Variants in MYO1D observed in about 807,000 individuals in gnomAD.
The protein encoded by MYO1D is unconventional myosin-Id.
A neutral mutation model predicts 122.0 loss-of-function variants in MYO1D; 83 were observed. The ratio of observed to expected loss-of-function variants is 0.68; its 90% CI spans 0.57 to 0.82. The LOEUF (loss-of-function observed/expected upper bound fraction) is 0.82. MYO1D is among the 40% of genes least tolerant of loss of function. The probability of loss-of-function intolerance (pLI) is 0.00; values close to 1 mark genes in which losing one functional copy is unlikely to be tolerated. For synonymous variants in MYO1D, 464 were observed against 446.9 expected (o/e 1.04, Z -0.48); for missense variants, 1,157 against 1,269.5 (o/e 0.91, Z 1.35).
intron 1 of MYO1D, among the ~76,000 whole-genome samples, chr17:32,827,853 A>G (rs1354629018): frequency 1.3e-5 from 2 of 152,232 alleles, no homozygotes; most frequent in African/African-American, 4.8e-5. Context: ...AAGCAGAAAA[A>G]TATTTTCAGA....
intron 1 of MYO1D, among the ~76,000 whole-genome samples, chr17:32,828,134 G>A (rs1465606486): frequency 6.6e-6 from 1 of 152,178 alleles, no homozygotes; most frequent in African/African-American, 2.4e-5. Flanking sequence ...ACTAATGGCA[G>A]GCATTATTTT....
chr17:32,636,716 C>A (rs762290476), intron 20 of MYO1D, among the ~76,000 whole-genome samples: 1 of 152,234 alleles, frequency 6.6e-6, no homozygotes, highest in Non-Finnish European at 1.5e-5. Context: ...TGTGAGACAG[C>A]CTGGAACTGT....
chr17:32,690,396 A>G (rs1038244335), intron 16 of MYO1D, among the ~76,000 whole-genome samples: 1 of 152,142 alleles, frequency 6.6e-6, no homozygotes, highest in African/African-American at 2.4e-5. Context: ...GCTGGTCGCG[A>G]ACTCCTGAGC....
intron 14 of MYO1D, among the ~76,000 whole-genome samples, chr17:32,732,904 T>C (rs576159947): frequency 6.6e-6 from 1 of 152,326 alleles, no homozygotes; most frequent in African/African-American, 2.4e-5. Context: ...GTTCCTGGTA[T>C]TTCCAAGCTT....
intron 21 of MYO1D, among the ~76,000 whole-genome samples, chr17:32,513,897 A>G (rs1909789771): frequency 6.7e-6 from 1 of 150,366 alleles, no homozygotes; most frequent in African/African-American, 2.5e-5. Flanking sequence ...GGGTGTGAGC[A>G]TGGCTCACTG....
At chr17:32,865,262 T>C (rs779109098) in intron 1 of MYO1D, among the ~76,000 whole-genome samples, 16 of 152,230 alleles carry the variant, frequency 1.1e-4, no homozygotes, top group Non-Finnish European at 1.9e-4. Context: ...ATAGAACCAT[T>C]TGGGATAACC....
chr17:32,640,933 T>C (rs2088190364), intron 19 of MYO1D, among the ~76,000 whole-genome samples: 1 of 151,814 alleles, frequency 6.6e-6, no homozygotes, highest in Admixed American at 6.6e-5. Flanking sequence ...TTATTTTTTA[T>C]ATATAGATTT....
chr17:32,586,543 G>T lies in MYO1D; in HGVS notation c.2864+18544C>A, dbSNP rs534291788. ...TATCCTTCCTGGGTTTTTCTTATTT[G>T]CAAATTTGTAAGTATGTCTTCATTC... On this transcript the variant is annotated intron_variant, in intron 21 of 21. Coordinates refer to ENST00000318217, the MANE Select transcript of MYO1D (RefSeq NM_015194.3). Among the ~76,000 whole-genome samples, 6 of 152,168 alleles carry T rather than the reference G, an allele frequency of 3.9e-5. No homozygotes were observed. The South Asian group carries it at 1.2e-3, about 32-fold the overall frequency.
chr17:32,766,535 C>T (rs1254621040), intron 7 of MYO1D, among the ~76,000 whole-genome samples: 2 of 152,146 alleles, frequency 1.3e-5, no homozygotes, highest in Admixed American at 6.5e-5. Context: ...GTGGCTCACG[C>T]CTGTAATCCC....
At chr17:32,823,463 G>A (rs1311571111) in intron 1 of MYO1D, among the ~76,000 whole-genome samples, 2 of 152,188 alleles carry the variant, frequency 1.3e-5, no homozygotes, top group African/African-American at 2.4e-5. Context: ...AAGTGGCTAA[G>A]TCTGAATTTC....
chr17:32,834,698 A>C (rs969538084), intron 1 of MYO1D, among the ~76,000 whole-genome samples: 3 of 152,184 alleles, frequency 2.0e-5, no homozygotes, highest in Non-Finnish European at 4.4e-5. Flanking sequence ...ACCTGCCCCA[A>C]AACAAACACT....
intron 16 of MYO1D, among the ~76,000 whole-genome samples, chr17:32,705,015 T>G (rs1185202006): frequency 6.6e-6 from 1 of 152,150 alleles, no homozygotes; most frequent in Non-Finnish European, 1.5e-5. Flanking sequence ...GCAATCTAGA[T>G]GGTTATTTCT....
At chr17:32,720,534 T>A (rs1388905698) in intron 15 of MYO1D, among the ~76,000 whole-genome samples, 1 of 152,188 alleles carries the variant, frequency 6.6e-6, no homozygotes, top group Admixed American at 6.5e-5. Context: ...CCTTAATATT[T>A]TATTATTATG....
chr17:32,585,661 C>A (rs564410639), intron 21 of MYO1D, among the ~76,000 whole-genome samples: 3 of 148,690 alleles, frequency 2.0e-5, no homozygotes, highest in Non-Finnish European at 4.4e-5. Context: ...ACGTGGGAGG[C>A]GGAGGTTGCA....
chr17:32,636,598 T>C (rs2150937669), intron 20 of MYO1D, among the ~76,000 whole-genome samples: 1 of 152,088 alleles, frequency 6.6e-6, no homozygotes, highest in Admixed American at 6.5e-5. Flanking sequence ...GGCTGATGAG[T>C]ATACAGAGTT....
At chr17:32,788,113 C>T (rs2090315828) in intron 1 of MYO1D, among the ~76,000 whole-genome samples, 1 of 152,116 alleles carries the variant, frequency 6.6e-6, no homozygotes. Context: ...GGTAGATACC[C>T]AGTAGTGGGA....
intron 20 of MYO1D, among the ~76,000 whole-genome samples, chr17:32,612,088 G>A (rs1052671796): frequency 6.6e-6 from 1 of 152,138 alleles, no homozygotes; most frequent in African/African-American, 2.4e-5. Context: ...TAAATAACAC[G>A]ATTGAATTTA....
At chr17:32,695,727 G>A (rs772929043) in intron 16 of MYO1D, among the ~76,000 whole-genome samples, 3 of 152,206 alleles carry the variant, frequency 2.0e-5, no homozygotes, top group Non-Finnish European at 4.4e-5. Flanking sequence ...AATGTGAATT[G>A]TTGATAAGGA....
chr17:32,697,631 GT>G (rs1201990352), intron 16 of MYO1D, among the ~76,000 whole-genome samples: 1 of 144,984 alleles, frequency 6.9e-6, no homozygotes, highest in East Asian at 2.0e-4. Context: ...CCTGGAGCAT[GT>G]ATTTTCAGTT....
Sources: allele counts gnomAD v4.1 joint callset (sites outside exome capture counted in the v4.1 genomes callset), GRCh38; gene constraint gnomAD v4.1.1; transcripts MANE v1.5; gene names NCBI Gene and HGNC (gene_info 2026-07-23, HGNC 2026-07-21).